Variants in ZFHX3 observed in about 807,000 individuals in gnomAD.
ZFHX3 encodes the protein zinc finger homeobox 3.
Under a neutral mutation model 279.1 loss-of-function variants are expected in ZFHX3, and 42 were observed. The ratio of observed to expected loss-of-function variants is 0.15; its 90% CI spans 0.12 to 0.19. The LOEUF is 0.19. Among genes scored for constraint, ZFHX3 ranks in the 10% least tolerant of loss-of-function variants. The probability of loss-of-function intolerance (pLI) is 1.00; values close to 1 mark genes in which losing one functional copy is unlikely to be tolerated. For synonymous variants in ZFHX3, 2,293 were observed against 1,957.8 expected, an observed-to-expected ratio of 1.17 and a Z score of -4.52; for missense variants, 4,981 against 4,754.0, an observed-to-expected ratio of 1.05 and a Z score of -1.40.
At chr16:73,596,967 C>A (rs1016769174) in intron 2 of ZFHX3, among the ~76,000 whole-genome samples, 1 of 152,172 alleles carries the variant, frequency 6.6e-6, no homozygotes, top group Non-Finnish European at 1.5e-5. Flanking sequence ...CAGTAAATGC[C>A]AAACAAAAGT....
intron 1 of ZFHX3, among the ~76,000 whole-genome samples, chr16:73,009,400 T>A (rs566999327): frequency 1.3e-5 from 2 of 152,088 alleles, no homozygotes; most frequent in Admixed American, 6.5e-5. Flanking sequence ...TTGTATGTAA[T>A]TGCAAACACC....
chr16:73,089,805 A>G (rs1385915334), intron 8 of ZFHX3, among the ~76,000 whole-genome samples: 1 of 152,218 alleles, frequency 6.6e-6, no homozygotes, highest in African/African-American at 2.4e-5. Context: ...AGATTTGAAG[A>G]TTCCCCTATT....
At position 73,692,443 on chromosome 16, in the gene ZFHX3, T is replaced by C. The variant is rs1235853318; in HGVS notation, c.-1607-12203A>G. Among the ~76,000 whole-genome samples, 3 of 152,300 alleles carry C rather than the reference T, an allele frequency of 2.0e-5. No individual in the cohort carries two copies. The South Asian group carries it at 6.2e-4, about 32-fold the overall frequency. On this transcript the variant is annotated intron_variant, in intron 1 of 17. Coordinates refer to the ZFHX3 transcript ENST00000641206. Reference sequence around the variant, plus strand: ...TGCCAATGACACTGGGCTTCTATTTTATTTCTTAACTATGGCATTCCTAGA... The same window carrying C: ...TGCCAATGACACTGGGCTTCTATTTCATTTCTTAACTATGGCATTCCTAGA...
intron 4 of ZFHX3, among the ~76,000 whole-genome samples, chr16:72,878,367 G>A (rs184440705): frequency 1.4e-4 from 22 of 152,288 alleles, no homozygotes; most frequent in Admixed American, 6.5e-4. Flanking sequence ...GCCGGTGACA[G>A]GCTAGAAGCC....
intron 3 of ZFHX3, among the ~76,000 whole-genome samples, chr16:72,925,426 C>A (rs933023560): frequency 6.6e-6 from 1 of 152,242 alleles, no homozygotes; most frequent in Non-Finnish European, 1.5e-5. Flanking sequence ...ATTCTAGAGG[C>A]CCCTGAATGC....
At chr16:72,911,471 C>T (rs142057461) in intron 3 of ZFHX3, among the ~76,000 whole-genome samples, 24 of 152,186 alleles carry the variant, frequency 1.6e-4, no homozygotes, top group Admixed American at 2.6e-4. Context: ...ACTTACCTTC[C>T]TAATTAGGGC....
intron 4 of ZFHX3, among the ~76,000 whole-genome samples, chr16:73,272,658 G>A (rs907623083): frequency 6.6e-6 from 1 of 152,168 alleles, no homozygotes; most frequent in Admixed American, 6.5e-5. Context: ...AAGGAACATT[G>A]CTGCTAGAAT....
At chr16:73,021,830 C>CAAAAAAAAAAAAAAAAAAAAAAAAA (rs60811631) in intron 1 of ZFHX3, among the ~76,000 whole-genome samples, 1 of 71,822 alleles carries the variant, frequency 1.4e-5, no homozygotes, top group Non-Finnish European at 2.7e-5. Context: ...GACTCCATCT[C>CAAAAAAAAAAAAAAAAAAAAAAAAA]AAAAAAAAAA....
chr16:73,594,122 T>C (rs1458380457), intron 2 of ZFHX3, among the ~76,000 whole-genome samples: 1 of 152,088 alleles, frequency 6.6e-6, no homozygotes, highest in Non-Finnish European at 1.5e-5. Flanking sequence ...GAAAGTAATA[T>C]GATAAAGGAA....
chr16:72,882,995 T>G lies in ZFHX3; in HGVS notation c.3448+6736A>C, dbSNP rs1285791993. Among the ~76,000 whole-genome samples, 30 of 119,980 alleles carry G rather than the reference T, an allele frequency of 2.5e-4. 2 individuals carry two copies. The highest frequency in any genetic ancestry group is 6.0e-4 in the South Asian group (2 of 3,358). The allele number at this position is 119,980 out of a possible 152,430, so 78.7% of individuals were successfully genotyped here. A position where few individuals can be genotyped will look rare whatever the true frequency, so the allele number is the denominator to read the frequency against. On this transcript the variant is annotated intron_variant, in intron 4 of 9. Coordinates refer to ENST00000268489, the MANE Select transcript of ZFHX3 (RefSeq NM_006885.4). ...ACTCTGGGGTGTGTGTGTGTGTGTG[T>G]GTGTGTGTGTGTGTGTGTGTGTGTG...
At chr16:72,910,333 T>C (rs1338775328) in intron 3 of ZFHX3, among the ~76,000 whole-genome samples, 1 of 152,208 alleles carries the variant, frequency 6.6e-6, no homozygotes, top group Non-Finnish European at 1.5e-5. Context: ...CAGGTCATTA[T>C]CATCCCTGCG....
chr16:73,072,211 G>A (rs1965833407), intron 8 of ZFHX3, among the ~76,000 whole-genome samples: 1 of 152,156 alleles, frequency 6.6e-6, no homozygotes, highest in Non-Finnish European at 1.5e-5. Flanking sequence ...AACACTTTGG[G>A]AGGAAGGTGG....
At chr16:73,748,283 CAAAAGA>C (rs1233202360) in intron 1 of ZFHX3, among the ~76,000 whole-genome samples, 1 of 152,100 alleles carries the variant, frequency 6.6e-6, no homozygotes, top group Non-Finnish European at 1.5e-5. Context: ...ACATGTCATA[CAAAAGA>C]AAAACAGGTC....
chr16:72,788,109 T>TTGCTGCTGC lies in ZFHX3; in HGVS notation c.10158_10166dup (p.Gln3387_Gln3389dup), dbSNP rs745803083. 1.4e-5 allele frequency: 22 copies of TTGCTGCTGC among 1,607,940 alleles called. No homozygotes were observed. The African/African-American group carries it at 1.9e-4, about 14-fold the overall frequency. On this transcript the variant is annotated inframe_insertion, in exon 10 of 10. Transcript: ENST00000268489. ...CTTTGGGCTGCTGCTGCTGCACTTT[T>TTGCTGCTGC]TGCTGCTGCTGCTGCTGTAGTTGCC...
chr16:73,601,191 G>T (rs942177544), intron 2 of ZFHX3, among the ~76,000 whole-genome samples: 2 of 151,310 alleles, frequency 1.3e-5, no homozygotes, highest in Non-Finnish European at 2.9e-5. Context: ...AGTGGCTCAC[G>T]CCTGTAATCC....
At chr16:73,411,539 C>A (rs980479440) in intron 3 of ZFHX3, among the ~76,000 whole-genome samples, 1 of 151,900 alleles carries the variant, frequency 6.6e-6, no homozygotes, top group African/African-American at 2.4e-5. Context: ...TGAAATATGA[C>A]CATATACAGC....
At chr16:73,886,705 T>C (rs1295637871) in intron 1 of ZFHX3, among the ~76,000 whole-genome samples, 1 of 152,164 alleles carries the variant, frequency 6.6e-6, no homozygotes, top group Non-Finnish European at 1.5e-5. Flanking sequence ...AATTGTTTTG[T>C]GGAGAAATGG....
At chr16:73,665,048 G>C (rs764818288) in intron 2 of ZFHX3, among the ~76,000 whole-genome samples, 1 of 152,168 alleles carries the variant, frequency 6.6e-6, no homozygotes, top group Non-Finnish European at 1.5e-5. Context: ...AGAGTGCAGA[G>C]TGATTAAGAG....
chr16:73,760,443 CCAGCATCATCCTGATACCAAAAGCTGG>C (rs543513908), intron 1 of ZFHX3, among the ~76,000 whole-genome samples: 1,761 of 152,038 alleles, frequency 0.012, 19 homozygotes, highest in South Asian at 0.026. Context: ...TTTTATGAGG[CCAGCATCATCCTGATACCAAAAGCTGG>C]CAGCATCATC....
Sources: gnomAD v4.1 joint callset for allele counts (sites outside exome capture counted in the v4.1 genomes callset) on GRCh38, gnomAD v4.1.1 for gene constraint, MANE v1.5 for transcripts, NCBI Gene and HGNC (gene_info 2026-07-23, HGNC 2026-07-21) for gene names.